The following NRG3 variants were observed in gnomAD, a reference collection of about 807,000 sequenced individuals.
The protein encoded by NRG3 is neuregulin 3, also known as pro-neuregulin-3, membrane-bound isoform.
Under a neutral mutation model 66.9 loss-of-function variants are expected in NRG3, and 31 were observed. The observed-to-expected ratio is 0.46, with a 90% CI of 0.35 to 0.63. The LOEUF is 0.63. Among genes scored for constraint, NRG3 ranks in the 20% least tolerant of loss-of-function variants. The probability of loss-of-function intolerance (pLI) is 0.00; values close to 1 mark genes in which losing one functional copy is unlikely to be tolerated. For synonymous variants in NRG3, 393 were observed against 359.4 expected (o/e 1.09, Z -1.06); for missense variants, 910 against 878.9 (o/e 1.04, Z -0.45).
At chr10:82,059,499 G>A (rs1186143065) in intron 1 of NRG3, among the ~76,000 whole-genome samples, 5 of 7,776 alleles carry the variant, frequency 6.4e-4, no homozygotes, top group Admixed American at 2.3e-3. Context: ...TCTGAAAAAC[G>A]TGATAGAAGG....
chr10:81,890,178 A>G (rs535846628), intron 1 of NRG3, among the ~76,000 whole-genome samples: 1 of 152,270 alleles, frequency 6.6e-6, no homozygotes, highest in African/African-American at 2.4e-5. Context: ...GGCTTTCTGC[A>G]TCTGAACTCT....
At chr10:82,018,512 A>G (rs1375580686) in intron 1 of NRG3, among the ~76,000 whole-genome samples, 1 of 152,228 alleles carries the variant, frequency 6.6e-6, no homozygotes, top group East Asian at 1.9e-4. Flanking sequence ...TCGAATCTAT[A>G]AATTACCTTG....
intron 1 of NRG3, among the ~76,000 whole-genome samples, chr10:82,038,156 A>G (rs560430602): frequency 6.6e-6 from 1 of 152,296 alleles, no homozygotes; most frequent in Admixed American, 6.5e-5. Context: ...ATAAACTGAA[A>G]GCACACCCAA....
At chr10:82,439,892 G>A (rs113456119) in intron 2 of NRG3, among the ~76,000 whole-genome samples, 273 of 152,100 alleles carry the variant, frequency 1.8e-3, no homozygotes, top group African/African-American at 6.1e-3. Flanking sequence ...TTTAGCTATT[G>A]ATAGGTTTTA....
chr10:82,937,102 C>G (rs1299370333), intron 4 of NRG3, among the ~76,000 whole-genome samples: 1 of 152,142 alleles, frequency 6.6e-6, no homozygotes, highest in Non-Finnish European at 1.5e-5. Context: ...TTTAATTCTT[C>G]ATTTTTCTTA....
rs151254554 is a variant in NRG3 at position 81,936,180 on chromosome 10, A to T, written c.823+60017A>T. ...GGGACCTGGGGAAAAAACTGAAATG[A>T]GAACTGACATGTTAATATATGTCAA... On this transcript the variant is annotated intron_variant, in intron 1 of 8. Transcript: ENST00000372141. Among the ~76,000 whole-genome samples the T allele has an allele frequency of 7.1e-3, 1,079 of 152,296 alleles. 7 individuals are homozygous for T. The highest frequency in any genetic ancestry group is 0.025 in the African/African-American group (1,036 of 41,562).
At chr10:82,116,381 C>T (rs1017895323) in intron 1 of NRG3, among the ~76,000 whole-genome samples, 1 of 152,076 alleles carries the variant, frequency 6.6e-6, no homozygotes, top group African/African-American at 2.4e-5. Context: ...CAAGAAAGCA[C>T]TATTTAGCTC....
intron 1 of NRG3, among the ~76,000 whole-genome samples, chr10:82,272,047 A>G (rs898202892): frequency 2.0e-5 from 3 of 152,108 alleles, no homozygotes; most frequent in Non-Finnish European, 2.9e-5. Flanking sequence ...TAGACACTCA[A>G]CAAGTGAGCA....
intron 2 of NRG3, among the ~76,000 whole-genome samples, chr10:82,561,282 TTTG>T (rs1012545541): frequency 3.3e-5 from 5 of 152,128 alleles, no homozygotes; most frequent in Admixed American, 2.6e-4. Context: ...TTTGCTGCTT[TTTG>T]TTGTTGTTGT....
chr10:82,952,326 G>A (rs549420334), intron 5 of NRG3, among the ~76,000 whole-genome samples: 11 of 151,862 alleles, frequency 7.2e-5, no homozygotes, highest in African/African-American at 1.4e-4. Flanking sequence ...CCACCTACTT[G>A]GGAGGCTGAG....
chr10:82,492,446 A>G (rs1320424216), intron 2 of NRG3, among the ~76,000 whole-genome samples: 1 of 152,196 alleles, frequency 6.6e-6, no homozygotes, highest in Non-Finnish European at 1.5e-5. Context: ...TAGATCATCA[A>G]CATAATTTCT....
At chr10:82,550,704 G>T (rs111747472) in intron 2 of NRG3, among the ~76,000 whole-genome samples, 1,929 of 152,246 alleles carry the variant, frequency 0.013, 45 homozygotes, top group African/African-American at 0.042. Context: ...GAAAGCATCA[G>T]TTAGGAGTTA....
chr10:82,475,735 A>G (rs983752578), intron 2 of NRG3, among the ~76,000 whole-genome samples: 1 of 152,212 alleles, frequency 6.6e-6, no homozygotes, highest in East Asian at 1.9e-4. Flanking sequence ...AATGCTAAAA[A>G]TATTAGAAGA....
At chr10:82,290,641 T>G (rs566059374) in intron 1 of NRG3, among the ~76,000 whole-genome samples, 9 of 150,782 alleles carry the variant, frequency 6.0e-5, no homozygotes, top group African/African-American at 1.5e-4. Context: ...TCAAATGATT[T>G]TTTTTTTTTT....
intron 2 of NRG3, among the ~76,000 whole-genome samples, chr10:82,724,799 A>G (rs1452737091): frequency 6.6e-6 from 1 of 152,152 alleles, no homozygotes; most frequent in African/African-American, 2.4e-5. Context: ...GTTGTTTGCT[A>G]ATGAGCTCTG....
At chr10:82,917,636 C>T (rs1422733251) in intron 4 of NRG3, among the ~76,000 whole-genome samples, 2 of 152,232 alleles carry the variant, frequency 1.3e-5, no homozygotes, top group East Asian at 3.9e-4. Context: ...CTTGTTGGTG[C>T]TTGGAGTCAT....
At chr10:82,565,619 T>A (rs1416172667) in intron 2 of NRG3, among the ~76,000 whole-genome samples, 1 of 152,018 alleles carries the variant, frequency 6.6e-6, no homozygotes, top group African/African-American at 2.4e-5. Flanking sequence ...TGTTTTTTGA[T>A]CGGCACTACC....
chr10:82,902,709 A>G (rs1020092899), intron 4 of NRG3, among the ~76,000 whole-genome samples: 2 of 152,090 alleles, frequency 1.3e-5, no homozygotes, highest in Non-Finnish European at 2.9e-5. Flanking sequence ...TGTATTATAT[A>G]TGTGTATATA....
intron 3 of NRG3, among the ~76,000 whole-genome samples, chr10:82,801,554 G>A (rs146095224): frequency 4.3e-4 from 66 of 152,218 alleles, no homozygotes; most frequent in Non-Finnish European, 7.9e-4. Flanking sequence ...TTGTGTCATT[G>A]GTATCCACAG....
Sources: allele counts gnomAD v4.1 joint callset (sites outside exome capture counted in the v4.1 genomes callset), GRCh38; gene constraint gnomAD v4.1.1; transcripts MANE v1.5; gene names NCBI Gene and HGNC (gene_info 2026-07-23, HGNC 2026-07-21).